Variants in RBM19 observed in about 807,000 individuals in gnomAD.
RBM19 encodes the protein RNA binding motif protein 19, also known as probable RNA-binding protein 19.
A neutral mutation model predicts 116.8 loss-of-function variants in RBM19; 94 were observed. The ratio of observed to expected loss-of-function variants is 0.80; its 90% CI spans 0.68 to 0.95. RBM19 has a LOEUF of 0.95. RBM19 is among the 40% of genes least tolerant of loss of function. The pLI is 0.00. For synonymous variants in RBM19, 475 were observed against 494.1 expected, an observed-to-expected ratio of 0.96 and a Z score of 0.51; for missense variants, 1,161 against 1,220.7, an observed-to-expected ratio of 0.95 and a Z score of 0.73.
At chr12:113,920,553 G>A in intron 19 of RBM19, 58 bp downstream of exon 19, 5 of 1,457,258 alleles carry the variant, frequency 3.4e-6, no homozygotes, top group Non-Finnish European at 4.8e-6. Flanking sequence ...GGGCTGACGG[G>A]ACCTCCCACT....
chr12:113,947,695 C>T (rs1272085776), intron 10 of RBM19, among the ~76,000 whole-genome samples: 1 of 152,218 alleles, frequency 6.6e-6, no homozygotes, highest in Non-Finnish European at 1.5e-5. Context: ...ATGCCTCAGT[C>T]TTTTCATCTG....
intron 21 of RBM19, among the ~76,000 whole-genome samples, chr12:113,861,634 T>A (rs1878403732): frequency 6.6e-6 from 1 of 152,042 alleles, no homozygotes; most frequent in Admixed American, 6.5e-5. Flanking sequence ...CACTGCAAGC[T>A]GTGGATGCTC....
intron 9 of RBM19, 53 bp from the exon 10 acceptor site, chr12:113,949,089 ACTCC>A: frequency 3.3e-6 from 5 of 1,504,512 alleles, no homozygotes; most frequent in Non-Finnish European, 4.6e-6. Context: ...CTTGCCAGCA[ACTCC>A]TTGCTGGTGA....
At chr12:113,870,627 A>T (rs773633311) in intron 21 of RBM19, among the ~76,000 whole-genome samples, 1 of 152,134 alleles carries the variant, frequency 6.6e-6, no homozygotes, top group South Asian at 2.1e-4. Flanking sequence ...AAATACAGGG[A>T]GAATGTCCAC....
At chr12:113,830,896 A>C (rs565726006) in intron 23 of RBM19, among the ~76,000 whole-genome samples, 1 of 152,312 alleles carries the variant, frequency 6.6e-6, no homozygotes, top group South Asian at 2.1e-4. Context: ...TCATAGGGCC[A>C]AGGTATAGTG....
At chr12:113,876,009 C>T (rs1445519993) in intron 21 of RBM19, among the ~76,000 whole-genome samples, 3 of 142,824 alleles carry the variant, frequency 2.1e-5, no homozygotes, top group South Asian at 2.6e-4. Context: ...CCTGTGGTGA[C>T]GTGTGCCTTG....
At chr12:113,955,535 T>C (rs1339697122) in intron 6 of RBM19, among the ~76,000 whole-genome samples, 1 of 152,122 alleles carries the variant, frequency 6.6e-6, no homozygotes, top group Non-Finnish European at 1.5e-5. Context: ...TCAGTACCAC[T>C]ATGTAGGGCT....
chr12:113,879,590 G>A (rs1593524938), intron 21 of RBM19, among the ~76,000 whole-genome samples: 1 of 151,206 alleles, frequency 6.6e-6, no homozygotes. Context: ...TTCCTCCTAC[G>A]CCCCGCTTCC....
At chr12:113,940,435 G>A (rs1870472035) in intron 14 of RBM19, among the ~76,000 whole-genome samples, 2 of 152,200 alleles carry the variant, frequency 1.3e-5, no homozygotes, top group Non-Finnish European at 1.5e-5. Flanking sequence ...GAGCAGGGCC[G>A]CACTTTCCAA....
chr12:113,883,906 T>C (rs1251156067), intron 21 of RBM19, among the ~76,000 whole-genome samples: 1 of 152,168 alleles, frequency 6.6e-6, no homozygotes, highest in Non-Finnish European at 1.5e-5. Context: ...GAGGTATCAG[T>C]GTGAACTCAT....
At chr12:113,910,692 C>T (rs1882373507) in intron 21 of RBM19, among the ~76,000 whole-genome samples, 1 of 152,212 alleles carries the variant, frequency 6.6e-6, no homozygotes, top group African/African-American at 2.4e-5. Flanking sequence ...TGTTGGGCTG[C>T]TGTGTGGACG....
chr12:113,878,307 T>C (rs1300158992), intron 21 of RBM19, among the ~76,000 whole-genome samples: 1 of 152,148 alleles, frequency 6.6e-6, no homozygotes, highest in African/African-American at 2.4e-5. Flanking sequence ...CTATTTGTTT[T>C]CCTTAATCAG....
At chr12:113,900,625 GT>G (rs540289408) in intron 21 of RBM19, among the ~76,000 whole-genome samples, 5 of 152,096 alleles carry the variant, frequency 3.3e-5, no homozygotes, top group East Asian at 1.9e-4. Flanking sequence ...CCTGGCTAGT[GT>G]TTTTTTTCCA....
chr12:113,857,151 T>G (rs1877974216), intron 22 of RBM19, among the ~76,000 whole-genome samples: 1 of 152,206 alleles, frequency 6.6e-6, no homozygotes, highest in East Asian at 1.9e-4. Flanking sequence ...CCCAATCCCC[T>G]TGGATACCCA....
In RBM19 at chr12:113,920,701, G is replaced by C. The variant is rs1394773218; in HGVS notation, c.2306-11C>G. Reference sequence around the variant, plus strand: ...TGGAAAGGAGCACTCCTGAGAGAGAGAGGTGGAAATCACACCAGTCGGTGA... The same window carrying C: ...TGGAAAGGAGCACTCCTGAGAGAGACAGGTGGAAATCACACCAGTCGGTGA... On this transcript the variant is annotated splice_polypyrimidine_tract_variant and intron_variant, in intron 18 of 23. Transcript: ENST00000261741. The C allele has an allele frequency of 6.2e-7, 1 of 1,612,018 alleles. No individual in the cohort carries two copies. Among genetic ancestry groups the C allele is most frequent in the Non-Finnish European group, 8.5e-7 (1 of 1,178,270 alleles).
chr12:113,964,007 C>A (rs1444439656), intron 1 of RBM19, among the ~76,000 whole-genome samples: 1 of 152,214 alleles, frequency 6.6e-6, no homozygotes. Context: ...ACTGTGCTCC[C>A]ACAGCACTCG....
At chr12:113,838,158 C>T (rs536399193) in intron 23 of RBM19, among the ~76,000 whole-genome samples, 8 of 152,354 alleles carry the variant, frequency 5.3e-5, no homozygotes, top group Admixed American at 1.3e-4. Flanking sequence ...GAACCCACCC[C>T]GGGTAGGGCA....
intron 1 of RBM19, 72 bp downstream of exon 1, chr12:113,966,120 G>C: frequency 6.3e-7 from 1 of 1,594,202 alleles, no homozygotes. Context: ...ATCACCTCCA[G>C]GCATCTCTTC....
At chr12:113,951,023 G>A (rs1871421105) in intron 8 of RBM19, among the ~76,000 whole-genome samples, 1 of 152,078 alleles carries the variant, frequency 6.6e-6, no homozygotes, top group South Asian at 2.1e-4. Context: ...GCCCTCCCCT[G>A]CTCTAAGCTC....
Sources: gnomAD v4.1 joint callset for allele counts (sites outside exome capture counted in the v4.1 genomes callset) on GRCh38, gnomAD v4.1.1 for gene constraint, MANE v1.5 for transcripts, NCBI Gene and HGNC (gene_info 2026-07-23, HGNC 2026-07-21) for gene names.